The following LMOD1 variants were observed in gnomAD, a reference collection of about 807,000 sequenced individuals.
The protein encoded by LMOD1 is leiomodin 1.
In LMOD1, 8 loss-of-function variants were observed where a neutral mutation model predicts 36.5. The observed-to-expected ratio is 0.22, with a 90% CI of 0.13 to 0.40. The LOEUF (loss-of-function observed/expected upper bound fraction) is 0.40. LMOD1 is among the 10% of genes least tolerant of loss of function. The pLI, the probability that LMOD1 is intolerant of heterozygous loss-of-function variation, is 1.00. For missense variants in LMOD1, 630 were observed against 751.1 expected (o/e 0.84, Z 1.88); for synonymous variants, 284 against 288.7 (o/e 0.98, Z 0.17).
intron 1 of LMOD1, among the ~76,000 whole-genome samples, chr1:201,936,923 G>C (rs1682029807): frequency 1.3e-5 from 2 of 152,044 alleles, no homozygotes; most frequent in South Asian, 4.1e-4. Flanking sequence ...CTGGGCAACA[G>C]AGTGAGACTC....
chr1:201,900,023 G>A lies in LMOD1; in HGVS notation c.990C>T (p.Pro330=), dbSNP rs758404662. Residue 330 remains proline (P), a synonymous_variant, in exon 2 of 3, where the codon CCC becomes CCT. Coordinates refer to ENST00000367288, the MANE Select transcript of LMOD1 (RefSeq NM_012134.3). ...TGTTGACGTTCACCTCAGTCATCTC[G>A]GGGTCATTGTTCTTCACTCTCTCCA... ...EPLERVKNND[P]EMTEVNVNNS... 1.4e-5 allele frequency: 23 copies of A among 1,613,682 alleles called. No homozygotes were observed. Among genetic ancestry groups the A allele is most frequent in the Admixed American group, 1.2e-4 (7 of 59,992 alleles).
At chr1:201,909,911 C>T (rs1681466703) in intron 1 of LMOD1, among the ~76,000 whole-genome samples, 2 of 152,224 alleles carry the variant, frequency 1.3e-5, no homozygotes, top group South Asian at 4.1e-4. Context: ...CTATGTTATG[C>T]TCTTTGCATT....
intron 1 of LMOD1, among the ~76,000 whole-genome samples, chr1:201,938,174 G>A (rs967226775): frequency 1.1e-4 from 16 of 149,988 alleles, no homozygotes; most frequent in African/African-American, 3.9e-4. Flanking sequence ...TTGTTGCCGA[G>A]GCTGGAGTGC....
rs759281385 is a variant in LMOD1 at position 201,900,378 on chromosome 1, T to G, written c.635A>C (p.Lys212Thr). ...RDKDKKREEM[K>T]EVAKKEDDEK... Reference sequence around the variant, plus strand: ...ATCATCCTCTTTCTTGGCCACCTCCTTCATCTCCTCTCTCTTTTTATCCTT... The same window carrying G: ...ATCATCCTCTTTCTTGGCCACCTCCGTCATCTCCTCTCTCTTTTTATCCTT... Residue 212 changes from lysine to threonine, a missense_variant, in exon 2 of 3, where the codon AAG (lysine) becomes ACG (threonine). By Grantham distance (78) the Lys-to-Thr change is moderately conservative. Coordinates refer to ENST00000367288, the MANE Select transcript of LMOD1 (RefSeq NM_012134.3). 1.4e-5 allele frequency: 22 copies of G among 1,562,166 alleles called. No homozygotes were observed. In the East Asian group the frequency reaches 4.3e-4, roughly 31 times the overall value.
At chr1:201,907,704 A>G (rs1681433278) in intron 1 of LMOD1, among the ~76,000 whole-genome samples, 1 of 152,034 alleles carries the variant, frequency 6.6e-6, no homozygotes, top group South Asian at 2.1e-4. Context: ...TATTATCCCC[A>G]CCAACAATAG....
intron 1 of LMOD1, among the ~76,000 whole-genome samples, chr1:201,939,141 T>TG (rs1682071509): frequency 2.0e-5 from 3 of 147,462 alleles, no homozygotes; most frequent in Non-Finnish European, 4.5e-5. Flanking sequence ...ACTGATGGTT[T>TG]TTTTTTTTTT....
At chr1:201,910,811 G>A (rs1403985715) in intron 1 of LMOD1, among the ~76,000 whole-genome samples, 1 of 115,726 alleles carries the variant, frequency 8.6e-6, no homozygotes, top group Non-Finnish European at 1.6e-5. Flanking sequence ...CTGAAGTGCA[G>A]TGGCACAATC....
chr1:201,931,273 G>A (rs1199440287), intron 1 of LMOD1, among the ~76,000 whole-genome samples: 5 of 152,214 alleles, frequency 3.3e-5, no homozygotes. Context: ...GGTGGCTCAC[G>A]CCTGTAATTC....
chr1:201,920,631 A>C (rs1354162685), intron 1 of LMOD1, among the ~76,000 whole-genome samples: 1 of 152,196 alleles, frequency 6.6e-6, no homozygotes, highest in East Asian at 1.9e-4. Context: ...GAGAAAGAAA[A>C]GCCAAGACCT....
intron 1 of LMOD1, among the ~76,000 whole-genome samples, chr1:201,928,793 G>A (rs1422601138): frequency 6.6e-6 from 1 of 152,092 alleles, no homozygotes; most frequent in African/African-American, 2.4e-5. Flanking sequence ...TCGGCTCACT[G>A]CTACCTCTGC....
At chr1:201,929,475 A>G (rs1681882921) in intron 1 of LMOD1, among the ~76,000 whole-genome samples, 1 of 152,196 alleles carries the variant, frequency 6.6e-6, no homozygotes, top group African/African-American at 2.4e-5. Context: ...ACAAGTTTAA[A>G]CTGAAGGGGA....
chr1:201,932,525 G>C (rs1181960742), intron 1 of LMOD1, among the ~76,000 whole-genome samples: 1 of 152,088 alleles, frequency 6.6e-6, no homozygotes, highest in Non-Finnish European at 1.5e-5. Flanking sequence ...GTTGAGGCTG[G>C]TGGATCGCTT....
chr1:201,901,553 CATAT>C lies in LMOD1; in HGVS notation c.262-806_262-803del, dbSNP rs1296066914. Among the ~76,000 whole-genome samples the C allele has an allele frequency of 5.2e-5, 2 of 38,358 alleles. 1 individual carries two copies. The highest frequency in any genetic ancestry group is 5.5e-4 in the Admixed American group (2 of 3,622). The allele number at this position is 38,358 out of a possible 152,430, so 25.2% of individuals were successfully genotyped here. On this transcript the variant is annotated intron_variant, in intron 1 of 2. Coordinates refer to ENST00000367288, the MANE Select transcript of LMOD1 (RefSeq NM_012134.3). ...ATGTATATATATATATATATATATA[CATAT>C]ATATATGTATATATATATATATATA... is the stretch of plus-strand genomic sequence containing the variant.
chr1:201,924,611 AAAG>A (rs1166606926), intron 1 of LMOD1, among the ~76,000 whole-genome samples: 1 of 150,872 alleles, frequency 6.6e-6, no homozygotes, highest in African/African-American at 2.4e-5. Flanking sequence ...GAAGGAAGGA[AAAG>A]AAAGAAGAAA....
At chr1:201,940,667 C>G (rs554623818) in intron 1 of LMOD1, among the ~76,000 whole-genome samples, 36 of 151,162 alleles carry the variant, frequency 2.4e-4, no homozygotes, top group Admixed American at 1.3e-3. Flanking sequence ...CTCACTGCAA[C>G]CTCCGCCTCC....
chr1:201,930,762 A>G (rs1014274031), intron 1 of LMOD1, among the ~76,000 whole-genome samples: 1 of 152,228 alleles, frequency 6.6e-6, no homozygotes, highest in African/African-American at 2.4e-5. Context: ...CTAAACAATC[A>G]TATTTAGGCA....
At chr1:201,942,530 G>A (rs1682135429) in intron 1 of LMOD1, among the ~76,000 whole-genome samples, 1 of 152,130 alleles carries the variant, frequency 6.6e-6, no homozygotes, top group South Asian at 2.1e-4. Flanking sequence ...GACCCTGGAG[G>A]GAGAAGCAGG....
intron 1 of LMOD1, among the ~76,000 whole-genome samples, chr1:201,932,916 T>C (rs1321803880): frequency 6.6e-6 from 1 of 152,080 alleles, no homozygotes; most frequent in African/African-American, 2.4e-5. Flanking sequence ...CACTATGCAT[T>C]CTCTACGACG....
chr1:201,932,538 G>A (rs1410000495), intron 1 of LMOD1, among the ~76,000 whole-genome samples: 1 of 151,924 alleles, frequency 6.6e-6, no homozygotes, highest in Non-Finnish European at 1.5e-5. Context: ...GATCGCTTGA[G>A]CCTAGGAGTT....
Sources: allele counts gnomAD v4.1 joint callset (sites outside exome capture counted in the v4.1 genomes callset), GRCh38; gene constraint gnomAD v4.1.1; transcripts MANE v1.5; gene names NCBI Gene and HGNC (gene_info 2026-07-23, HGNC 2026-07-21).